DOCK9: variants seen among roughly 807,000 people sequenced by gnomAD.
DOCK9 encodes dedicator of cytokinesis protein 9.
DOCK9 carries 89 observed loss-of-function variants against 263.3 expected under a neutral mutation model. That is an observed-to-expected ratio of 0.34 (90% CI 0.28 to 0.40). The LOEUF (loss-of-function observed/expected upper bound fraction) is 0.40. DOCK9 is among the 10% of genes least tolerant of loss of function. DOCK9 has a pLI of 1.00. For synonymous variants in DOCK9, 976 were observed against 973.1 expected, an observed-to-expected ratio of 1.00 and a Z score of -0.06; for missense variants, 2,140 against 2,603.4, an observed-to-expected ratio of 0.82 and a Z score of 3.87.
intron 1 of DOCK9, among the ~76,000 whole-genome samples, chr13:99,067,186 T>C (rs1033997142): frequency 8.5e-5 from 13 of 152,196 alleles, no homozygotes; most frequent in Admixed American, 2.6e-4. Flanking sequence ...CCAGATTCCA[T>C]GCTCCTTGAG....
chr13:99,006,350 T>C (rs1316943213), intron 1 of DOCK9, among the ~76,000 whole-genome samples: 1 of 152,256 alleles, frequency 6.6e-6, no homozygotes, highest in African/African-American at 2.4e-5. Context: ...GCAAGTTCAC[T>C]TTTATAAATC....
At chr13:98,893,487 T>A (rs1321698031) in intron 15 of DOCK9, among the ~76,000 whole-genome samples, 1 of 152,196 alleles carries the variant, frequency 6.6e-6, no homozygotes, top group Non-Finnish European at 1.5e-5. Context: ...ATGTTAGCAA[T>A]ATCATCTATC....
chr13:98,825,921 C>T lies in DOCK9; in HGVS notation c.5023+909G>A, dbSNP rs573911160. The T allele has an allele frequency of 4.7e-5, 73 of 1,551,116 alleles. No homozygotes were observed. Among genetic ancestry groups the T allele is most frequent in the Non-Finnish European group, 6.2e-5 (71 of 1,147,496 alleles). On this transcript the variant is annotated intron_variant, in intron 44 of 52. Coordinates refer to ENST00000682017, the MANE Select transcript of DOCK9 (RefSeq NM_001366683.2). The surrounding 1 kb of genome is among the most constrained non-coding windows in gnomAD (Gnocchi z 4.1). Reference sequence around the variant, plus strand: ...CGCTATGGCTGTGGGGGAGAAGGGGCGGCTCCCACTGGACTGCTTCTAAAC... The same window carrying T: ...CGCTATGGCTGTGGGGGAGAAGGGGTGGCTCCCACTGGACTGCTTCTAAAC...
In DOCK9 at chr13:98,885,477, T is replaced by C. The variant is rs1264945959; in HGVS notation, c.2260+231A>G. 9.6e-6 allele frequency: 5 copies of C among 521,252 alleles called. No homozygotes were observed. The East Asian group carries it at 1.9e-4, about 20-fold the overall frequency. 32.3% of individuals were successfully genotyped at this position (521,252 alleles called of 1,614,324 possible). A position where few individuals can be genotyped will look rare whatever the true frequency, so the allele number is the denominator to read the frequency against. On this transcript the variant is annotated intron_variant, in intron 20 of 52. Coordinates refer to ENST00000682017, the MANE Select transcript of DOCK9 (RefSeq NM_001366683.2). ...AAAATTAGCCAGTGGGTGTGGTGCG[T>C]GCCTGTAGTCCCAGCTATTCAGGAG...
chr13:98,831,504 T>C lies in DOCK9; in HGVS notation c.4479A>G (p.Arg1493=), dbSNP rs1389877892. 3.8e-6 allele frequency: 6 copies of C among 1,587,560 alleles called. No homozygotes were observed. The highest frequency in any genetic ancestry group is 5.1e-6 in the Non-Finnish European group (6 of 1,166,538). Reference sequence around the variant, plus strand: ...AACACAGAGCCGCACACATGTCCGCTCTCCCTTCATAGAATGTTGAGGGAA... The same window carrying C: ...AACACAGAGCCGCACACATGTCCGCCCTCCCTTCATAGAATGTTGAGGGAA... ...YKFPSTFYEG[R]ADMCAALCYE... is the part of the protein sequence containing the mutation. The change falls in exon 41 of 53, where the codon AGA becomes AGG. Residue 1493 remains arginine, a synonymous_variant. Coordinates refer to ENST00000682017, the MANE Select transcript of DOCK9 (RefSeq NM_001366683.2).
intron 1 of DOCK9, among the ~76,000 whole-genome samples, chr13:99,015,283 A>C (rs747850922): frequency 1.3e-5 from 2 of 152,182 alleles, no homozygotes; most frequent in Non-Finnish European, 2.9e-5. Context: ...TCACACATAC[A>C]AACACTCACT....
intron 50 of DOCK9, among the ~76,000 whole-genome samples, chr13:98,798,797 C>T (rs1846846855): frequency 6.6e-6 from 1 of 152,198 alleles, no homozygotes; most frequent in South Asian, 2.1e-4. Flanking sequence ...TGAGTATAAA[C>T]TTAATCTTCT....
chr13:99,050,649 C>T (rs994137127), intron 1 of DOCK9, among the ~76,000 whole-genome samples: 1 of 152,108 alleles, frequency 6.6e-6, no homozygotes, highest in Non-Finnish European at 1.5e-5. Context: ...GCTATTGCAC[C>T]ACTCCACTCC....
intron 9 of DOCK9, among the ~76,000 whole-genome samples, chr13:98,912,380 TC>T (rs1464165210): frequency 6.6e-6 from 1 of 152,126 alleles, no homozygotes; most frequent in African/African-American, 2.4e-5. Context: ...GCTCTACAAT[TC>T]ATGTTTGAGC....
chr13:98,918,157 T>C (rs1170352763), intron 7 of DOCK9, among the ~76,000 whole-genome samples: 1 of 152,178 alleles, frequency 6.6e-6, no homozygotes, highest in Non-Finnish European at 1.5e-5. Context: ...CCTTTCTCTG[T>C]AGAAGGGAAA....
At chr13:98,979,242 G>GGCGGCA (rs55651915), upstream of DOCK9, among the ~76,000 whole-genome samples, 3,834 of 136,082 alleles carry the variant, frequency 0.028, 157 homozygotes, top group African/African-American at 0.077. Flanking sequence ...CAGCAGCGGC[G>GGCGGCA]GCAGCAGCAG....
At chr13:98,796,293 T>C in intron 52 of DOCK9, 1 of 1,169,942 alleles carries the variant, frequency 8.5e-7, no homozygotes, top group Non-Finnish European at 1.3e-6. Context: ...GCAATGAAAA[T>C]GTACTAACTA....
intron 46 of DOCK9, 81 bp downstream of exon 46, chr13:98,810,088 C>T: frequency 1.3e-6 from 2 of 1,581,140 alleles, no homozygotes; most frequent in African/African-American, 1.3e-5. Flanking sequence ...CCTGCTTCCT[C>T]TCTCACATAT....
rs948311873 is a variant in DOCK9, at chr13:98,880,564, T to C, written c.2854A>G (p.Ser952Gly). 3 of 1,613,892 alleles carry C rather than the reference T, an allele frequency of 1.9e-6. No homozygotes were observed. The highest frequency in any genetic ancestry group is 2.5e-6 in the Non-Finnish European group (3 of 1,179,858). Residue 952 changes from serine (S) to glycine (G), a missense_variant, in exon 26 of 53, where the codon AGC becomes GGC. Ser to Gly is a moderately conservative substitution (Grantham distance 56). Transcript: ENST00000682017. Reference protein sequence around the residue: ...ILKPSADFLTSNKLLKYSWFF... With the variant: ...ILKPSADFLTGNKLLKYSWFF... ...TGACATACCTTCAGTAGTTTGTTGC[T>C]GGTGAGGAAATCGGCAGAAGGCTTG...
chr13:98,996,328 C>T (rs776521607), intron 1 of DOCK9, among the ~76,000 whole-genome samples: 1 of 152,196 alleles, frequency 6.6e-6, no homozygotes, highest in Non-Finnish European at 1.5e-5. Flanking sequence ...ACTAAGACAG[C>T]GGTCACACAT....
At chr13:99,026,076 C>CA (rs1219581602) in intron 1 of DOCK9, among the ~76,000 whole-genome samples, 1,214 of 26,236 alleles carry the variant, frequency 0.046, 20 homozygotes, top group African/African-American at 0.093. Context: ...GACTCCGTCT[C>CA]AAAAAAAAAA....
Position 98,860,511 on chromosome 13 carries a change from A to T in DOCK9, c.3591T>A (p.Asp1197Glu). 1 of 1,569,402 alleles carries T rather than the reference A, an allele frequency of 6.4e-7. No individual in the cohort carries two copies. The highest frequency in any genetic ancestry group is 8.7e-7 in the Non-Finnish European group (1 of 1,155,860). The change falls in exon 33 of 53, where the codon GAT (aspartate) becomes GAA (glutamate). Residue 1197 changes from aspartate to glutamate, a missense_variant. Physicochemically the swap from Asp to Glu is conservative, Grantham distance 45. Transcript: ENST00000682017. ...FPVNAGMTVK[D>E]ESLALPAVNP... Reference sequence around the variant, plus strand: ...TCACAGCTGGTAGAGCCAGGGATTCATCCTTCACAGTCTGTCAAGGAGAGG... The same window carrying T: ...TCACAGCTGGTAGAGCCAGGGATTCTTCCTTCACAGTCTGTCAAGGAGAGG...
chr13:98,812,127 ATTT>A lies in DOCK9; in HGVS notation c.5131-1839_5131-1837del, dbSNP rs56880707. On this transcript the variant is annotated intron_variant, in intron 45 of 52. Coordinates refer to ENST00000682017, the MANE Select transcript of DOCK9 (RefSeq NM_001366683.2). ...GCCCATCCTTGTGTCAAACCACAGGATTTTTTTTTTTTTTTTTTTTTTCGGTTT... is the reference window on the plus strand; with the variant it reads ...GCCCATCCTTGTGTCAAACCACAGGATTTTTTTTTTTTTTTTTTTCGGTTT... Among the ~76,000 whole-genome samples the A allele has an allele frequency of 7.5e-3, 586 of 77,636 alleles. 3 individuals carry two copies. The highest frequency in any genetic ancestry group is 0.02 in the African/African-American group (385 of 19,116). 50.9% of individuals were successfully genotyped at this position (77,636 alleles called of 152,430 possible).
chr13:98,818,308 A>G (rs1812970294), intron 45 of DOCK9, among the ~76,000 whole-genome samples: 1 of 152,216 alleles, frequency 6.6e-6, no homozygotes, highest in Non-Finnish European at 1.5e-5. Flanking sequence ...CCATACACCA[A>G]TACAAAATTA....
Sources: gnomAD v4.1 joint callset for allele counts (sites outside exome capture counted in the v4.1 genomes callset) on GRCh38, gnomAD v4.1.1 for gene constraint, Gnocchi (gnomAD v3.1) non-coding constraint, MANE v1.5 for transcripts, NCBI Gene and HGNC (gene_info 2026-07-23, HGNC 2026-07-21) for gene names.